The following MYO1D variants were observed in gnomAD, a reference collection of about 807,000 sequenced individuals.
MYO1D encodes the protein unconventional myosin-Id.
A neutral mutation model predicts 122.0 loss-of-function variants in MYO1D; 83 were observed. The ratio of observed to expected loss-of-function variants is 0.68; its 90% CI spans 0.57 to 0.82. The LOEUF is 0.82. MYO1D is among the 40% of genes least tolerant of loss of function. The pLI is 0.00. For synonymous variants in MYO1D, 464 were observed against 446.9 expected (o/e 1.04, Z -0.48); for missense variants, 1,157 against 1,269.5 (o/e 0.91, Z 1.35).
intron 1 of MYO1D, among the ~76,000 whole-genome samples, chr17:32,786,080 C>T (rs1351104481): frequency 3.3e-5 from 5 of 152,162 alleles, no homozygotes; most frequent in Non-Finnish European, 4.4e-5. Flanking sequence ...TCCAAATCTC[C>T]GGCACTGGAG....
At chr17:32,661,149 T>A (rs1330575194) in intron 16 of MYO1D, among the ~76,000 whole-genome samples, 6 of 152,234 alleles carry the variant, frequency 3.9e-5, no homozygotes. Context: ...GAAACCTACT[T>A]TATAAAGGGG....
intron 16 of MYO1D, among the ~76,000 whole-genome samples, chr17:32,700,059 A>T (rs181633789): frequency 5.1e-4 from 77 of 152,332 alleles, no homozygotes; most frequent in Middle Eastern, 3.4e-3. Context: ...ATTTAAAAAA[A>T]TTTTTTTAAA....
At chr17:32,637,955 G>A (rs2088128661) in intron 20 of MYO1D, among the ~76,000 whole-genome samples, 1 of 152,054 alleles carries the variant, frequency 6.6e-6, no homozygotes, top group Non-Finnish European at 1.5e-5. Flanking sequence ...CAACCAAAAG[G>A]ATTTAAAATA....
intron 21 of MYO1D, among the ~76,000 whole-genome samples, chr17:32,532,145 G>C (rs114406331): frequency 6.6e-6 from 1 of 152,160 alleles, no homozygotes; most frequent in East Asian, 1.9e-4. Flanking sequence ...CAATTTAAGC[G>C]GTGAGAAGTC....
At chr17:32,654,081 G>T in intron 18 of MYO1D, 134 bp from the exon 19 acceptor site, 1 of 652,520 alleles carries the variant, frequency 1.5e-6, no homozygotes, top group Non-Finnish European at 2.5e-6. Flanking sequence ...CACCCCAGAT[G>T]GTAAGCTACT....
At chr17:32,784,689 T>A (rs576920547) in intron 1 of MYO1D, among the ~76,000 whole-genome samples, 4 of 152,292 alleles carry the variant, frequency 2.6e-5, no homozygotes, top group Middle Eastern at 3.4e-3. Flanking sequence ...ACCTTTTTTT[T>A]AAAGTAGCCT....
chr17:32,766,852 C>T (rs918814184), intron 7 of MYO1D, among the ~76,000 whole-genome samples: 1 of 151,632 alleles, frequency 6.6e-6, no homozygotes, highest in African/African-American at 2.4e-5. Context: ...AGGACTGCTG[C>T]ACTGTATTTA....
chr17:32,557,621 T>C (rs890854761), intron 21 of MYO1D, among the ~76,000 whole-genome samples: 1 of 151,808 alleles, frequency 6.6e-6, no homozygotes, highest in Non-Finnish European at 1.5e-5. Flanking sequence ...TTACCCACCC[T>C]CACCCCCATC....
intron 21 of MYO1D, among the ~76,000 whole-genome samples, chr17:32,603,846 T>G (rs2087593528): frequency 6.6e-6 from 1 of 152,160 alleles, no homozygotes; most frequent in African/African-American, 2.4e-5. Flanking sequence ...TTTTTAAAAT[T>G]TTTCTTAGCT....
intron 16 of MYO1D, among the ~76,000 whole-genome samples, chr17:32,696,405 G>C (rs1056851063): frequency 6.6e-6 from 1 of 152,132 alleles, no homozygotes; most frequent in African/African-American, 2.4e-5. Flanking sequence ...ACTATGGACA[G>C]TATAATGTGG....
chr17:32,587,230 G>C (rs989981322), intron 21 of MYO1D, among the ~76,000 whole-genome samples: 1 of 152,198 alleles, frequency 6.6e-6, no homozygotes, highest in Non-Finnish European at 1.5e-5. Flanking sequence ...TAACTCGCCA[G>C]GCCAGGGGCT....
At chr17:32,774,160 C>T (rs573335583) in intron 4 of MYO1D, among the ~76,000 whole-genome samples, 225 of 152,276 alleles carry the variant, frequency 1.5e-3, no homozygotes, top group Non-Finnish European at 1.7e-3. Context: ...CAACAATTTC[C>T]TCTTAAAGAG....
intron 20 of MYO1D, among the ~76,000 whole-genome samples, chr17:32,610,512 C>T (rs1324189369): frequency 6.6e-6 from 1 of 152,150 alleles, no homozygotes; most frequent in African/African-American, 2.4e-5. Context: ...TAAGGATGAC[C>T]TGGGTGTTAA....
chr17:32,525,259 C>T (rs546520475), intron 21 of MYO1D, among the ~76,000 whole-genome samples: 3 of 152,248 alleles, frequency 2.0e-5, no homozygotes, highest in African/African-American at 4.8e-5. Context: ...TCCTTCCCCA[C>T]GTGGATTTCT....
intron 3 of MYO1D, among the ~76,000 whole-genome samples, chr17:32,777,184 G>C (rs1222871384): frequency 6.6e-6 from 1 of 152,022 alleles, no homozygotes; most frequent in Admixed American, 6.6e-5. Flanking sequence ...CCCTGTCCTT[G>C]TCAAACTAGA....
At chr17:32,688,150 C>G (rs2089044408) in intron 16 of MYO1D, among the ~76,000 whole-genome samples, 1 of 152,192 alleles carries the variant, frequency 6.6e-6, no homozygotes, top group African/African-American at 2.4e-5. Flanking sequence ...TTTCTGGGAG[C>G]TGTGCAATCC....
chr17:32,735,365 T>G (rs897847345), intron 14 of MYO1D, among the ~76,000 whole-genome samples: 27 of 152,036 alleles, frequency 1.8e-4, no homozygotes, highest in African/African-American at 6.5e-4. Flanking sequence ...GTATTTTTAT[T>G]AGAGACAGGG....
intron 20 of MYO1D, among the ~76,000 whole-genome samples, chr17:32,615,483 TGA>T (rs2087759182): frequency 6.6e-6 from 1 of 152,062 alleles, no homozygotes; most frequent in Admixed American, 6.6e-5. Flanking sequence ...GAAAAAAATG[TGA>T]GAGGAGAGAG....
intron 10 of MYO1D, 107 bp downstream of exon 10, chr17:32,760,183 A>C: frequency 1.1e-6 from 1 of 943,188 alleles, no homozygotes; most frequent in Non-Finnish European, 1.7e-6. Flanking sequence ...GCTAAGGTTC[A>C]GATGTTTCAA....
Sources: gnomAD v4.1 joint callset for allele counts (sites outside exome capture counted in the v4.1 genomes callset) on GRCh38, gnomAD v4.1.1 for gene constraint, MANE v1.5 for transcripts, NCBI Gene and HGNC (gene_info 2026-07-23, HGNC 2026-07-21) for gene names.